The following ZBTB7B variants were observed in gnomAD, a reference collection of about 807,000 sequenced individuals.
ZBTB7B encodes the protein zinc finger and BTB domain-containing protein 7B.
A neutral mutation model predicts 31.0 loss-of-function variants in ZBTB7B; 8 were observed. That is an observed-to-expected ratio of 0.26 (90% CI 0.15 to 0.47). The LOEUF (loss-of-function observed/expected upper bound fraction) is 0.47, where lower values mean the gene tolerates loss of function less well. ZBTB7B is among the 20% of genes least tolerant of loss of function. The pLI is 0.99. For synonymous variants in ZBTB7B, 261 were observed against 307.3 expected, an observed-to-expected ratio of 0.85 and a Z score of 1.58; for missense variants, 494 against 742.4, an observed-to-expected ratio of 0.67 and a Z score of 3.89.
rs1000765485 is a variant in ZBTB7B, at chr1:155,003,384, C to A, written c.-7+441C>A. On this transcript the variant is annotated intron_variant, in intron 1 of 2. Transcript: ENST00000535420. This position sits in a 1 kb window ranked among gnomAD's most constrained non-coding sequence, Gnocchi z 5.8. Reference sequence around the variant, plus strand: ...CCCCCCCCCACCCCGCGCCCCCTGGCGCGGTGGATTGGCCCCAGGCCAGTT... The same window carrying A: ...CCCCCCCCCACCCCGCGCCCCCTGGAGCGGTGGATTGGCCCCAGGCCAGTT... Among the ~76,000 whole-genome samples the A allele has an allele frequency of 7.9e-5, 12 of 152,138 alleles. No individual in the cohort carries two copies. Among genetic ancestry groups the A allele is most frequent in the Non-Finnish European group, 1.6e-4 (11 of 67,992 alleles).
Position 155,003,202 on chromosome 1 carries a change from C to G in ZBTB7B, c.-7+259C>G, listed in dbSNP as rs1323468026. ...CCCCAGAAAGTTTATCTGCACTTCT[C>G]CTGGGATCAGACAGACAGACGGCTT... On this transcript the variant is annotated intron_variant, in intron 1 of 2. Coordinates refer to ENST00000535420, the MANE Select transcript of ZBTB7B (RefSeq NM_001256455.2). The surrounding 1 kb of genome is among the most constrained non-coding windows in gnomAD (Gnocchi z 5.8). Among the ~76,000 whole-genome samples the G allele has an allele frequency of 6.6e-6, 1 of 152,202 alleles. No individual in the cohort carries two copies. Among genetic ancestry groups the G allele is most frequent in the African/African-American group, 2.4e-5 (1 of 41,448 alleles).
chr1:155,011,045 G>A (rs1397532843), intron 1 of ZBTB7B: 11 of 1,504,216 alleles, frequency 7.3e-6, no homozygotes, highest in Non-Finnish European at 9.8e-6. Context: ...GGGAGGGGGG[G>A]CTCTGCGTGC....
At position 155,009,181 on chromosome 1, in the gene ZBTB7B, C is replaced by G. The variant is rs12403758; in HGVS notation, c.-6-5474C>G. The stretch of plus-strand genomic sequence containing the variant: ...AGTGTTTAAGGGGACCCGAGCAGAT[C>G]AGGAGAGGCAGAAGAGGGGCCTATA... On this transcript the variant is annotated intron_variant, in intron 1 of 2. Coordinates refer to ENST00000535420, the MANE Select transcript of ZBTB7B (RefSeq NM_001256455.2). Among the ~76,000 whole-genome samples, 1,391 of 152,100 alleles carry G rather than the reference C, an allele frequency of 9.1e-3. 63 individuals carry two copies. Among genetic ancestry groups the G allele is most frequent in the Admixed American group, 0.07 (1,074 of 15,272 alleles).
rs1189135257 is a variant in ZBTB7B at position 155,018,346 on chromosome 1, C to T, written c.*1661C>T. ...TGGGGGGAGCCCAGGGCTGGGGAGA[C>T]CTGGGGCCCAGCCCCAGAAAGTGGG... On this transcript the variant is annotated 3_prime_UTR_variant, in exon 3 of 3. Coordinates refer to ENST00000535420, the MANE Select transcript of ZBTB7B (RefSeq NM_001256455.2). The T allele has an allele frequency of 3.3e-6, 2 of 606,404 alleles. No individual in the cohort carries two copies. The highest frequency in any genetic ancestry group is 1.9e-5 in the African/African-American group (1 of 53,702). The allele number at this position is 606,404 out of a possible 1,614,324, so 37.6% of individuals were successfully genotyped here.
At chr1:155,007,647 G>C (rs1658643390) in intron 1 of ZBTB7B, among the ~76,000 whole-genome samples, 1 of 152,170 alleles carries the variant, frequency 6.6e-6, no homozygotes, top group South Asian at 2.1e-4. Flanking sequence ...AAGGCCTAGG[G>C]GCCTGGGCCC....
chr1:155,014,437 G>T, intron 1 of ZBTB7B: 1 of 590,890 alleles, frequency 1.7e-6, no homozygotes, highest in Non-Finnish European at 3.0e-6. Flanking sequence ...CACTTAACTT[G>T]GAAAATCACT....
rs1659397619 is a variant in ZBTB7B at position 155,016,222 on chromosome 1, A to G, written c.1157A>G (p.Asn386Ser). 1 of 1,611,928 alleles carries G rather than the reference A, an allele frequency of 6.2e-7. No homozygotes were observed. Among genetic ancestry groups the G allele is most frequent in the Non-Finnish European group, 8.5e-7 (1 of 1,178,402 alleles). ...CEVCGVRFTRNDKLKIHMRKH... is the reference protein window; with the variant it reads ...CEVCGVRFTRSDKLKIHMRKH... ...CCCCTCACCCCTGCCTGTGCCAGGA[A>G]CGACAAGCTGAAGATCCACATGCGG... The change falls in exon 3 of 3, where the codon AAC becomes AGC. Residue 386 changes from asparagine to serine, a missense_variant and splice_region_variant. Transcript: ENST00000535420. The surrounding 1 kb of genome is among the most constrained non-coding windows in gnomAD (Gnocchi z 4.3).
In ZBTB7B at chr1:155,004,320, C is replaced by G. The variant is rs1056001532; in HGVS notation, c.-7+1377C>G. 1.3e-5 allele frequency among the ~76,000 whole-genome samples: 2 copies of G among 152,188 alleles called. No homozygotes were observed. The highest frequency in any genetic ancestry group is 2.9e-5 in the Non-Finnish European group (2 of 68,028). On this transcript the variant is annotated intron_variant, in intron 1 of 2. Transcript: ENST00000535420. This position sits in a 1 kb window ranked among gnomAD's most constrained non-coding sequence, Gnocchi z 4.0. The stretch of plus-strand genomic sequence containing the variant: ...GGGAATGAGTCAGCGCAGCTATTCC[C>G]CCTTCCCCCAACTTATTCCTGGAGG...
intron 1 of ZBTB7B, among the ~76,000 whole-genome samples, chr1:155,011,702 A>C (rs1658997063): frequency 6.6e-6 from 1 of 152,148 alleles, no homozygotes; most frequent in Non-Finnish European, 1.5e-5. Flanking sequence ...TCTTAGCAAG[A>C]GGGGGCATGC....
intron 1 of ZBTB7B, among the ~76,000 whole-genome samples, chr1:155,009,645 C>T (rs892515107): frequency 2.0e-5 from 3 of 152,114 alleles, no homozygotes; most frequent in Admixed American, 6.5e-5. Context: ...CCCCCTCCAC[C>T]ACTCATTCTC....
At chr1:155,014,398 C>A in intron 1 of ZBTB7B, 1 of 513,340 alleles carries the variant, frequency 1.9e-6, no homozygotes, top group Non-Finnish European at 3.5e-6. Flanking sequence ...AAGGACCGGG[C>A]CCACTCCCTG....
chr1:155,005,347 C>G (rs1658499431), intron 1 of ZBTB7B, among the ~76,000 whole-genome samples: 1 of 152,180 alleles, frequency 6.6e-6, no homozygotes, highest in Non-Finnish European at 1.5e-5. Flanking sequence ...GCTGAGAGAA[C>G]CAGCCCCTGA....
chr1:155,007,531 C>T (rs1658635355), intron 1 of ZBTB7B, among the ~76,000 whole-genome samples: 1 of 152,232 alleles, frequency 6.6e-6, no homozygotes, highest in Non-Finnish European at 1.5e-5. Flanking sequence ...TCATTAACTA[C>T]TCACAGGGCT....
chr1:155,017,589 G>C lies in ZBTB7B; in HGVS notation c.*904G>C, dbSNP rs1231942830. 1 of 154,026 alleles carries C rather than the reference G, an allele frequency of 6.5e-6. No homozygotes were observed. The highest frequency in any genetic ancestry group is 1.9e-4 in the East Asian group (1 of 5,258). 9.5% of individuals were successfully genotyped at this position (154,026 alleles called of 1,614,324 possible). On this transcript the variant is annotated 3_prime_UTR_variant, in exon 3 of 3. Transcript: ENST00000535420. ...GCCGCCCCTGACTCACGCCGCCCCC[G>C]GGCTGGCGCAGCGAAGGGTGTGGGA...
chr1:155,010,406 T>C (rs1658873117), intron 1 of ZBTB7B: 1 of 151,228 alleles, frequency 6.6e-6, no homozygotes, highest in South Asian at 2.0e-4. Flanking sequence ...GTGTGAGTGC[T>C]GGGGGTGGTG....
At chr1:155,007,382 T>G (rs1658620723) in intron 1 of ZBTB7B, among the ~76,000 whole-genome samples, 1 of 152,208 alleles carries the variant, frequency 6.6e-6, no homozygotes, top group Admixed American at 6.5e-5. Context: ...CCCACTCCCT[T>G]GCAGGCTGCA....
Position 155,015,027 on chromosome 1 carries a change from C to A in ZBTB7B, c.367C>A (p.Gln123Lys). The A allele has an allele frequency of 5.0e-6, 8 of 1,613,986 alleles. No individual in the cohort carries two copies. The highest frequency in any genetic ancestry group is 6.8e-6 in the Non-Finnish European group (8 of 1,180,028). The change falls in exon 2 of 3, where the codon CAG becomes AAG. Residue 123 changes from glutamine to lysine, a missense_variant. Gln to Lys is a moderately conservative substitution (Grantham distance 53). This residue lies in a region of ZBTB7B where 90 missense variants were observed against 143.2 expected (regional missense o/e 0.63). Transcript: ENST00000535420. ...TSSANMPAVL[Q>K]AARLLEIPCV... Reference sequence around the variant, plus strand: ...CAGCGCCAACATGCCAGCTGTGCTCCAGGCTGCCCGCCTGCTGGAGATCCC... The same window carrying A: ...CAGCGCCAACATGCCAGCTGTGCTCAAGGCTGCCCGCCTGCTGGAGATCCC...
rs746882430 is a variant in ZBTB7B, at chr1:155,014,864, C to A, written c.204C>A (p.Gly68=). 5.6e-6 allele frequency: 9 copies of A among 1,614,130 alleles called. No homozygotes were observed. Among genetic ancestry groups the A allele is most frequent in the Non-Finnish European group, 7.6e-6 (9 of 1,180,010 alleles). ...AGAAGCTTTTCACTGAGGGCGGTGG[C>A]GGAGCTGTCATGGGGGCCGGGGGTA... ...YFKKLFTEGG[G]GAVMGAGGSG... The change falls in exon 2 of 3, where the codon GGC becomes GGA. Residue 68 remains glycine, a synonymous_variant. Transcript: ENST00000535420.
At chr1:155,010,824 G>A (rs1658915449) in intron 1 of ZBTB7B, 1 of 1,072,854 alleles carries the variant, frequency 9.3e-7, no homozygotes, top group Non-Finnish European at 1.4e-6. Flanking sequence ...GGGGTGGAGG[G>A]AGAAAGGAGA....
Sources: gnomAD v4.1 joint callset for allele counts (sites outside exome capture counted in the v4.1 genomes callset) on GRCh38, gnomAD v4.1.1 for gene constraint, gnomAD v4.1.1 regional missense constraint, Gnocchi (gnomAD v3.1) non-coding constraint, MANE v1.5 for transcripts, NCBI Gene and HGNC (gene_info 2026-07-23, HGNC 2026-07-21) for gene names.